The following WTIP variants were observed in gnomAD, a reference collection of about 807,000 sequenced individuals.
WTIP encodes the protein Wilms tumor protein 1-interacting protein.
Under a neutral mutation model 41.7 loss-of-function variants are expected in WTIP, and 23 were observed. The ratio of observed to expected loss-of-function variants is 0.55; its 90% CI spans 0.40 to 0.78. The LOEUF (loss-of-function observed/expected upper bound fraction) is 0.78, where lower values mean the gene tolerates loss of function less well. Among genes scored for constraint, WTIP ranks in the 30% least tolerant of loss-of-function variants. The pLI, the probability that WTIP is intolerant of heterozygous loss-of-function variation, is 0.00. For missense variants in WTIP, 619 were observed against 610.5 expected (o/e 1.01, Z -0.15); for synonymous variants, 314 against 269.9 (o/e 1.16, Z -1.60).
At chr19:34,494,527 T>C in intron 5 of WTIP, 59 bp from the exon 6 acceptor site, 1 of 1,568,550 alleles carries the variant, frequency 6.4e-7, no homozygotes, top group South Asian at 1.1e-5. Context: ...GCCCCTGTGC[T>C]TGTGCCCTTG....
In WTIP at chr19:34,505,325, C is replaced by G. The variant is rs1051655870; in HGVS notation, c.*5056C>G. 1.3e-5 allele frequency: 2 copies of G among 152,270 alleles called. No homozygotes were observed. The highest frequency in any genetic ancestry group is 2.9e-5 in the Non-Finnish European group (2 of 68,106). The allele number at this position is 152,270 out of a possible 1,614,324, so 9.4% of individuals were successfully genotyped here. A position where few individuals can be genotyped will look rare whatever the true frequency, so the allele number is the denominator to read the frequency against. On this transcript the variant is annotated 3_prime_UTR_variant, in exon 8 of 8. Transcript: ENST00000590071. ...CAGGAGGAGTGTGGACGCGGCTCCTCTCCTTCCACCCACTTCCCTGGCCCT... is the reference window on the plus strand; with the variant it reads ...CAGGAGGAGTGTGGACGCGGCTCCTGTCCTTCCACCCACTTCCCTGGCCCT...
At chr19:34,490,162 A>G (rs2075818420) in intron 1 of WTIP, among the ~76,000 whole-genome samples, 1 of 152,108 alleles carries the variant, frequency 6.6e-6, no homozygotes, top group Non-Finnish European at 1.5e-5. Flanking sequence ...GTGCTCGGCC[A>G]AGCCCTTGAA....
At chr19:34,485,514 A>T (rs1001581974) in intron 1 of WTIP, among the ~76,000 whole-genome samples, 4 of 152,210 alleles carry the variant, frequency 2.6e-5, no homozygotes, top group African/African-American at 9.6e-5. Flanking sequence ...CATTTTACAA[A>T]AGAAAATCTG....
chr19:34,489,295 G>C (rs2075813917), intron 1 of WTIP, among the ~76,000 whole-genome samples: 1 of 150,334 alleles, frequency 6.7e-6, no homozygotes, highest in South Asian at 2.1e-4. Context: ...CCTTCCACTC[G>C]ATGCAAGCTT....
At chr19:34,495,617 A>G in intron 6 of WTIP, 86 bp from the exon 7 acceptor site, 1 of 1,486,298 alleles carries the variant, frequency 6.7e-7, no homozygotes, top group Middle Eastern at 1.7e-4. Flanking sequence ...CCGGGACAGG[A>G]GCGTGGTGTG....
In WTIP at chr19:34,493,412, G is replaced by T. The variant is rs955718795; in HGVS notation, c.901-80G>T. 1.9e-6 allele frequency: 3 copies of T among 1,595,468 alleles called. No individual in the cohort carries two copies. The highest frequency in any genetic ancestry group is 2.7e-5 in the African/African-American group (2 of 74,512). On this transcript the variant is annotated intron_variant, in intron 4 of 7. Transcript: ENST00000590071. The surrounding 1 kb of genome is among the most constrained non-coding windows in gnomAD (Gnocchi z 4.1). ...CGTCTCCCCTGCTCCAGACCTGCCA[G>T]GGGTTCAGGGCCAGAGCCTCTCCCA... is the stretch of plus-strand genomic sequence containing the variant.
intron 1 of WTIP, chr19:34,482,848 G>A: frequency 1.1e-6 from 1 of 951,568 alleles, no homozygotes; most frequent in Non-Finnish European, 1.3e-6. Context: ...CCCCAGCAGC[G>A]GCTTCACCCC....
Position 34,496,806 on chromosome 19 carries a change from G to A in WTIP, c.1152+1035G>A, listed in dbSNP as rs532433598. ...AGACCTGTAAGTGGGCGGGGGTTCA[G>A]CGACCCTGCCGACAGCTGTGGGAAT... On this transcript the variant is annotated intron_variant, in intron 7 of 7. Transcript: ENST00000590071. 3.9e-5 allele frequency among the ~76,000 whole-genome samples: 6 copies of A among 152,244 alleles called. No homozygotes were observed. In the East Asian group the frequency reaches 1.2e-3, roughly 29 times the overall value.
At chr19:34,498,974 G>T (rs962916869) in intron 7 of WTIP, among the ~76,000 whole-genome samples, 2 of 152,204 alleles carry the variant, frequency 1.3e-5, no homozygotes, top group Admixed American at 1.3e-4. Context: ...TTGGGAGGCC[G>T]AGGTGGGAGG....
Position 34,500,564 on chromosome 19 carries a change from C to A in WTIP, c.*295C>A. 2.9e-6 allele frequency: 1 copy of A among 349,604 alleles called. No individual in the cohort carries two copies. The highest frequency in any genetic ancestry group is 5.2e-6 in the Non-Finnish European group (1 of 193,704). The allele number at this position is 349,604 out of a possible 1,614,324, so 21.7% of individuals were successfully genotyped here. ...GTGGGTCACCAGGCTGGAGAGGGCC[C>A]CTGCCTTGGCCAGGGGTGCGAGGTG... On this transcript the variant is annotated 3_prime_UTR_variant, in exon 8 of 8. Coordinates refer to ENST00000590071, the MANE Select transcript of WTIP (RefSeq NM_001080436.2).
chr19:34,505,859 C>A lies in WTIP; in HGVS notation c.*5590C>A. On this transcript the variant is annotated 3_prime_UTR_variant, in exon 8 of 8. Coordinates refer to ENST00000590071, the MANE Select transcript of WTIP (RefSeq NM_001080436.2). ...TGGACCGGGCCTGGCATTTACTCAC[C>A]CTCCTCCCATCCCACACTGTCCCGG... The A allele has an allele frequency of 6.6e-6, 1 of 152,552 alleles. No individual in the cohort carries two copies. Among genetic ancestry groups the A allele is most frequent in the Non-Finnish European group, 1.5e-5 (1 of 68,202 alleles). 9.4% of individuals were successfully genotyped at this position (152,552 alleles called of 1,614,324 possible). A position where few individuals can be genotyped will look rare whatever the true frequency, so the allele number is the denominator to read the frequency against.
chr19:34,492,182 G>A lies in WTIP; in HGVS notation c.770-855G>A, dbSNP rs547441259. 1.4e-4 allele frequency among the ~76,000 whole-genome samples: 20 copies of A among 147,276 alleles called. 1 individual carries two copies. In the South Asian group the frequency reaches 3.8e-3, roughly 28 times the overall value. On this transcript the variant is annotated intron_variant, in intron 2 of 7. Coordinates refer to ENST00000590071, the MANE Select transcript of WTIP (RefSeq NM_001080436.2). Reference sequence around the variant, plus strand: ...GGCTGAAGTGCAGTGGCCCAATCACGGCTCACTGCAGCCTTGACTTCCTGG... The same window carrying A: ...GGCTGAAGTGCAGTGGCCCAATCACAGCTCACTGCAGCCTTGACTTCCTGG...
Position 34,482,590 on chromosome 19 carries a change from A to T in WTIP, c.616A>T (p.Thr206Ser). The change falls in exon 1 of 8, where the codon ACC (threonine) becomes TCC (serine). Residue 206 changes from threonine to serine, a missense_variant. Thr to Ser is a moderately conservative substitution (Grantham distance 58). Transcript: ENST00000590071. Reference sequence around the variant, plus strand: ...GGCCGAGCGGCGGCTGGAGGCGCTCACCCGGGAGCTGGAGCGGGCGCTCGA... The same window carrying T: ...GGCCGAGCGGCGGCTGGAGGCGCTCTCCCGGGAGCTGGAGCGGGCGCTCGA... ...SAAERRLEAL[T>S]RELERALEAR... 1 of 1,230,142 alleles carries T rather than the reference A, an allele frequency of 8.1e-7. No individual in the cohort carries two copies. The highest frequency in any genetic ancestry group is 1.6e-5 in the African/African-American group (1 of 64,218). The allele number at this position is 1,230,142 out of a possible 1,614,324, so 76.2% of individuals were successfully genotyped here.
In WTIP at chr19:34,486,816, C is replaced by T. The variant is rs540558533; in HGVS notation, c.668-3560C>T. Among the ~76,000 whole-genome samples the T allele has an allele frequency of 3.9e-5, 6 of 152,260 alleles. No individual in the cohort carries two copies. In the South Asian group the frequency reaches 1.0e-3, roughly 26 times the overall value. On this transcript the variant is annotated intron_variant, in intron 1 of 7. Transcript: ENST00000590071. ...GCCCCTTCCCTGTAGGTGCTCCAGTCCATGTGGGTCTGACTCTCCTGCCGT... is the reference window on the plus strand; with the variant it reads ...GCCCCTTCCCTGTAGGTGCTCCAGTTCATGTGGGTCTGACTCTCCTGCCGT...
chr19:34,485,374 T>C (rs886675697), intron 1 of WTIP, among the ~76,000 whole-genome samples: 1 of 152,218 alleles, frequency 6.6e-6, no homozygotes, highest in Non-Finnish European at 1.5e-5. Context: ...TGAGCCACCA[T>C]GCCCGGCCCA....
intron 2 of WTIP, among the ~76,000 whole-genome samples, chr19:34,491,746 G>A (rs2075826382): frequency 6.6e-6 from 1 of 152,152 alleles, no homozygotes; most frequent in South Asian, 2.1e-4. Context: ...CCAGTTTCAA[G>A]TGATTCGCCT....
intron 1 of WTIP, among the ~76,000 whole-genome samples, chr19:34,485,470 G>C (rs1325919601): frequency 6.6e-6 from 1 of 152,166 alleles, no homozygotes; most frequent in Admixed American, 6.6e-5. Context: ...CTACAAAAGT[G>C]GCAGTTTCAT....
intron 2 of WTIP, among the ~76,000 whole-genome samples, chr19:34,491,085 C>T (rs1382906697): frequency 6.6e-6 from 1 of 151,912 alleles, no homozygotes; most frequent in Admixed American, 6.6e-5. Flanking sequence ...GCCTCGGCCT[C>T]TCAAAGTGCT....
chr19:34,498,276 C>T (rs1043349962), intron 7 of WTIP, among the ~76,000 whole-genome samples: 14 of 151,926 alleles, frequency 9.2e-5, no homozygotes, highest in African/African-American at 3.4e-4. Context: ...TTCCCAGGTC[C>T]TCTCACCATT....
Sources: gnomAD v4.1 joint callset for allele counts (sites outside exome capture counted in the v4.1 genomes callset) on GRCh38, gnomAD v4.1.1 for gene constraint, Gnocchi (gnomAD v3.1) non-coding constraint, MANE v1.5 for transcripts, NCBI Gene and HGNC (gene_info 2026-07-23, HGNC 2026-07-21) for gene names.